Variants in UNC5D observed in about 807,000 individuals in gnomAD.
The protein encoded by UNC5D is netrin receptor UNC5D.
A neutral mutation model predicts 105.4 loss-of-function variants in UNC5D; 39 were observed. The ratio of observed to expected loss-of-function variants is 0.37; its 90% CI spans 0.29 to 0.48. The LOEUF (loss-of-function observed/expected upper bound fraction) is 0.48, where lower values mean the gene tolerates loss of function less well. Among genes scored for constraint, UNC5D ranks in the 20% least tolerant of loss-of-function variants. The pLI is 0.98. For synonymous variants in UNC5D, 452 were observed against 450.4 expected (o/e 1.00, Z -0.04); for missense variants, 991 against 1,202.4 (o/e 0.82, Z 2.60).
chr8:35,677,428 C>A (rs533850741), intron 4 of UNC5D, among the ~76,000 whole-genome samples: 1 of 152,100 alleles, frequency 6.6e-6, no homozygotes, highest in Admixed American at 6.5e-5. Context: ...ACCTCCCTGG[C>A]CCCCAGGAAC....
chr8:35,784,485 A>G (rs1161655691), intron 16 of UNC5D, among the ~76,000 whole-genome samples: 1 of 152,186 alleles, frequency 6.6e-6, no homozygotes, highest in Non-Finnish European at 1.5e-5. Flanking sequence ...ACGACAGCTG[A>G]GACTTGTAAA....
chr8:35,657,745 C>T (rs1397352566), intron 4 of UNC5D, among the ~76,000 whole-genome samples: 1 of 152,174 alleles, frequency 6.6e-6, no homozygotes, highest in Non-Finnish European at 1.5e-5. Flanking sequence ...ATTGGACTCC[C>T]AAAGTGCTGG....
At chr8:35,454,164 T>G (rs1228996167) in intron 1 of UNC5D, among the ~76,000 whole-genome samples, 1 of 152,100 alleles carries the variant, frequency 6.6e-6, no homozygotes, top group Non-Finnish European at 1.5e-5. Flanking sequence ...AGGAGTGGAA[T>G]GGGAAAGATA....
rs1355580226 is a variant in UNC5D, at chr8:35,653,321, C to T, written c.571-30226C>T. 2.6e-5 allele frequency among the ~76,000 whole-genome samples: 4 copies of T among 152,220 alleles called. No homozygotes were observed. The East Asian group carries it at 7.7e-4, about 29-fold the overall frequency. Reference sequence around the variant, plus strand: ...ATTATAGTAAATTTCAACTATTTTTCAATGATACTTTTCCAACATTTTATA... The same window carrying T: ...ATTATAGTAAATTTCAACTATTTTTTAATGATACTTTTCCAACATTTTATA... On this transcript the variant is annotated intron_variant, in intron 4 of 16. Coordinates refer to ENST00000404895, the MANE Select transcript of UNC5D (RefSeq NM_080872.4).
chr8:35,429,076 T>A (rs1200996335), intron 1 of UNC5D, among the ~76,000 whole-genome samples: 1 of 152,220 alleles, frequency 6.6e-6, no homozygotes, highest in East Asian at 1.9e-4. Flanking sequence ...AAGTGAGATC[T>A]GCTTGCTATT....
intron 1 of UNC5D, among the ~76,000 whole-genome samples, chr8:35,356,657 T>A (rs1050865301): frequency 6.6e-6 from 1 of 151,722 alleles, no homozygotes; most frequent in Non-Finnish European, 1.5e-5. Flanking sequence ...CTTATTCAAC[T>A]GGGAACTTTA....
At chr8:35,757,613 C>T (rs992518116) in intron 13 of UNC5D, among the ~76,000 whole-genome samples, 20 of 152,114 alleles carry the variant, frequency 1.3e-4, no homozygotes, top group African/African-American at 4.6e-4. Flanking sequence ...GCCTAGTGTC[C>T]AGACCCTTTC....
chr8:35,502,776 A>C (rs1005029523), intron 1 of UNC5D, among the ~76,000 whole-genome samples: 1 of 151,616 alleles, frequency 6.6e-6, no homozygotes, highest in Non-Finnish European at 1.5e-5. Flanking sequence ...CATGTTGGCC[A>C]GGATGGTCTC....
intron 1 of UNC5D, among the ~76,000 whole-genome samples, chr8:35,417,486 G>A (rs1473222819): frequency 6.6e-6 from 1 of 151,602 alleles, no homozygotes; most frequent in African/African-American, 2.4e-5. Flanking sequence ...GGAGTGGGCT[G>A]TACAGATGAT....
chr8:35,410,454 A>G (rs986298576), intron 1 of UNC5D, among the ~76,000 whole-genome samples: 2 of 152,074 alleles, frequency 1.3e-5, no homozygotes, highest in African/African-American at 4.8e-5. Context: ...AAGGCAGGAT[A>G]CAGTTTGTTT....
At chr8:35,299,358 G>GCA (rs1361895125) in intron 1 of UNC5D, among the ~76,000 whole-genome samples, 2 of 152,136 alleles carry the variant, frequency 1.3e-5, no homozygotes, top group African/African-American at 4.8e-5. Context: ...AAAGAGCCTT[G>GCA]CAAGAGTATT....
At chr8:35,324,454 TTTAA>T (rs1810000781) in intron 1 of UNC5D, among the ~76,000 whole-genome samples, 1 of 152,140 alleles carries the variant, frequency 6.6e-6, no homozygotes. Flanking sequence ...TTTTTGAGTA[TTTAA>T]AATAGGTATT....
intron 1 of UNC5D, among the ~76,000 whole-genome samples, chr8:35,356,080 G>A (rs954030241): frequency 1.3e-5 from 2 of 151,998 alleles, no homozygotes; most frequent in African/African-American, 2.4e-5. Context: ...TACCACGCCC[G>A]GTTATCTTTT....
intron 1 of UNC5D, among the ~76,000 whole-genome samples, chr8:35,293,138 C>T (rs929175263): frequency 2.6e-5 from 4 of 151,902 alleles, no homozygotes; most frequent in African/African-American, 4.8e-5. Flanking sequence ...TAGGCTGAGG[C>T]GGATGAGGAA....
At chr8:35,470,771 T>TAAAC (rs1206374115) in intron 1 of UNC5D, among the ~76,000 whole-genome samples, 3 of 121,132 alleles carry the variant, frequency 2.5e-5, no homozygotes, top group Non-Finnish European at 5.0e-5. Flanking sequence ...TTTCTCAAAA[T>TAAAC]AAATAAATAA....
chr8:35,339,690 G>A (rs1403881510), intron 1 of UNC5D, among the ~76,000 whole-genome samples: 1 of 152,212 alleles, frequency 6.6e-6, no homozygotes. Flanking sequence ...ACTGAATCCA[G>A]GTTCCAATGC....
chr8:35,736,103 C>A (rs1563719827), intron 11 of UNC5D, among the ~76,000 whole-genome samples: 1 of 152,104 alleles, frequency 6.6e-6, no homozygotes, highest in African/African-American at 2.4e-5. Flanking sequence ...CCTTTGAGGG[C>A]CTTGATTTTT....
chr8:35,235,675 C>A lies in UNC5D; in HGVS notation c.-110C>A. On this transcript the variant is annotated 5_prime_UTR_variant, in exon 1 of 17. Coordinates refer to ENST00000404895, the MANE Select transcript of UNC5D (RefSeq NM_080872.4). Reference sequence around the variant, plus strand: ...TTAGGAAGCGATCGTGGAGCAGAGTCACTCTCTGAAGACTCCCGAGACCCA... The same window carrying A: ...TTAGGAAGCGATCGTGGAGCAGAGTAACTCTCTGAAGACTCCCGAGACCCA... The A allele has an allele frequency of 1.3e-6, 1 of 798,096 alleles. No homozygotes were observed. 49.4% of individuals were successfully genotyped at this position (798,096 alleles called of 1,614,324 possible).
At chr8:35,312,627 A>T (rs987597250) in intron 1 of UNC5D, among the ~76,000 whole-genome samples, 1 of 152,192 alleles carries the variant, frequency 6.6e-6, no homozygotes, top group East Asian at 1.9e-4. Context: ...GAATTTTGAC[A>T]TATTCAATAG....
Sources: gnomAD v4.1 joint callset for allele counts (sites outside exome capture counted in the v4.1 genomes callset) on GRCh38, gnomAD v4.1.1 for gene constraint, MANE v1.5 for transcripts, NCBI Gene and HGNC (gene_info 2026-07-23, HGNC 2026-07-21) for gene names.